CSMD1: variants seen among roughly 807,000 people sequenced by gnomAD.
CSMD1 encodes the protein CUB and Sushi multiple domains 1, also known as CUB and sushi domain-containing protein 1.
Under a neutral mutation model 417.5 loss-of-function variants are expected in CSMD1, and 213 were observed. That is an observed-to-expected ratio of 0.51 (90% CI 0.46 to 0.57). CSMD1 has a LOEUF of 0.57. CSMD1 is among the 20% of genes least tolerant of loss of function. The pLI is 0.00. For synonymous variants in CSMD1, 2,862 were observed against 1,736.8 expected, an observed-to-expected ratio of 1.65 and a Z score of -16.11; for missense variants, 6,923 against 4,529.7, an observed-to-expected ratio of 1.53 and a Z score of -15.17.
chr8:4,163,392 A>G (rs961655630), intron 3 of CSMD1, among the ~76,000 whole-genome samples: 2 of 152,140 alleles, frequency 1.3e-5, no homozygotes, highest in African/African-American at 4.8e-5. Flanking sequence ...CAAGACAGCA[A>G]TCTACATTGT....
At chr8:3,645,521 G>A (rs373445140) in intron 7 of CSMD1, among the ~76,000 whole-genome samples, 201 of 152,336 alleles carry the variant, frequency 1.3e-3, no homozygotes, top group Non-Finnish European at 2.3e-3. Context: ...AGGGGAGGAT[G>A]TGTGGTCAGA....
chr8:3,988,282 T>C (rs1814487018), intron 5 of CSMD1, among the ~76,000 whole-genome samples: 1 of 152,192 alleles, frequency 6.6e-6, no homozygotes, highest in Admixed American at 6.5e-5. Context: ...AAGGCCATTA[T>C]AAACATCACA....
intron 1 of CSMD1, among the ~76,000 whole-genome samples, chr8:4,760,158 G>C (rs936967952): frequency 1.1e-4 from 17 of 152,160 alleles, no homozygotes; most frequent in Non-Finnish European, 1.5e-5. Context: ...GTCTGCAATA[G>C]TCATAGGCTG....
intron 10 of CSMD1, among the ~76,000 whole-genome samples, chr8:3,571,106 G>A (rs1210959885): frequency 2.0e-5 from 3 of 152,318 alleles, no homozygotes; most frequent in South Asian, 2.1e-4. Context: ...GGCACTTACA[G>A]GTGGAAGATC....
chr8:3,801,861 A>C (rs1289322709), intron 5 of CSMD1, among the ~76,000 whole-genome samples: 2 of 152,132 alleles, frequency 1.3e-5, no homozygotes, highest in Non-Finnish European at 2.9e-5. Context: ...TAAGTCAATG[A>C]AAAATCACAA....
At chr8:4,308,016 G>T (rs562485310) in intron 3 of CSMD1, among the ~76,000 whole-genome samples, 1 of 152,194 alleles carries the variant, frequency 6.6e-6, no homozygotes, top group South Asian at 2.1e-4. Context: ...AGTGATGGTG[G>T]GCATACTACA....
chr8:3,637,399 A>G (rs1301632609), intron 7 of CSMD1, among the ~76,000 whole-genome samples: 1 of 152,182 alleles, frequency 6.6e-6, no homozygotes, highest in Admixed American at 6.5e-5. Context: ...TAACCACCTT[A>G]TTAACTTAAA....
intron 1 of CSMD1, among the ~76,000 whole-genome samples, chr8:4,680,760 A>T (rs754857786): frequency 1.3e-5 from 2 of 151,978 alleles, no homozygotes; most frequent in Non-Finnish European, 2.9e-5. Flanking sequence ...TTGTATTTTT[A>T]GTAGAGACGA....
chr8:4,087,007 C>G (rs17068867), intron 3 of CSMD1, among the ~76,000 whole-genome samples: 1 of 152,050 alleles, frequency 6.6e-6, no homozygotes, highest in East Asian at 1.9e-4. Flanking sequence ...ATGGGGATAA[C>G]GCTATGTACA....
intron 10 of CSMD1, among the ~76,000 whole-genome samples, chr8:3,508,158 G>A (rs1796911097): frequency 6.6e-6 from 1 of 152,142 alleles, no homozygotes; most frequent in Non-Finnish European, 1.5e-5. Context: ...CTCACTCATA[G>A]GTGGGAATTG....
At chr8:3,547,511 T>C (rs1208775938) in intron 10 of CSMD1, among the ~76,000 whole-genome samples, 1 of 152,190 alleles carries the variant, frequency 6.6e-6, no homozygotes, top group African/African-American at 2.4e-5. Flanking sequence ...TTATGCCTGA[T>C]CACGTCTCTC....
chr8:4,180,427 T>TC (rs1412441693), intron 3 of CSMD1, among the ~76,000 whole-genome samples: 1 of 91,388 alleles, frequency 1.1e-5, no homozygotes, highest in African/African-American at 4.4e-5. Flanking sequence ...GGGACTGCTG[T>TC]GGGGTGGGGG....
At chr8:3,061,171 C>G (rs981178138) in intron 49 of CSMD1, among the ~76,000 whole-genome samples, 6 of 152,096 alleles carry the variant, frequency 3.9e-5, no homozygotes, top group Non-Finnish European at 7.4e-5. Context: ...TATAAAGTAT[C>G]CAAACCTTTG....
At chr8:3,592,160 C>G (rs923343250) in intron 8 of CSMD1, among the ~76,000 whole-genome samples, 2 of 151,894 alleles carry the variant, frequency 1.3e-5, no homozygotes, top group East Asian at 1.9e-4. Flanking sequence ...AGATATCCAT[C>G]TGGTTAGGTA....
At chr8:4,322,629 T>G (rs563422438) in intron 3 of CSMD1, among the ~76,000 whole-genome samples, 3 of 152,234 alleles carry the variant, frequency 2.0e-5, no homozygotes, top group African/African-American at 7.2e-5. Context: ...GCTGGACATA[T>G]TTGAGAAAAA....
In CSMD1 at chr8:3,919,226, C is replaced by G. The variant is rs957651376; in HGVS notation, c.818+78677G>C. ...AAAAAAAAAAGAAAGAAATCATTGT[C>G]AAGATCTATGCCAAGGATTTTTAAA... is the stretch of plus-strand genomic sequence containing the variant. On this transcript the variant is annotated intron_variant, in intron 5 of 69. Coordinates refer to ENST00000635120, the MANE Select transcript of CSMD1 (RefSeq NM_033225.6). Among the ~76,000 whole-genome samples the G allele has an allele frequency of 2.1e-5, 3 of 140,650 alleles. No homozygotes were observed. In the Admixed American group the frequency reaches 2.2e-4, roughly 10 times the overall value. 92.3% of individuals were successfully genotyped at this position (140,650 alleles called of 152,430 possible).
chr8:3,467,497 C>G (rs1308544540), intron 12 of CSMD1, among the ~76,000 whole-genome samples: 2 of 152,270 alleles, frequency 1.3e-5, no homozygotes, highest in South Asian at 2.1e-4. Context: ...GCAGTTGCCT[C>G]TGCATTCTAG....
At chr8:3,714,247 T>C (rs911231537) in intron 6 of CSMD1, among the ~76,000 whole-genome samples, 1 of 150,490 alleles carries the variant, frequency 6.6e-6, no homozygotes, top group Admixed American at 6.6e-5. Context: ...GACATACTAT[T>C]GTTCTCTAAT....
intron 3 of CSMD1, among the ~76,000 whole-genome samples, chr8:4,300,274 T>C (rs1038442344): frequency 1.1e-4 from 16 of 152,332 alleles, no homozygotes; most frequent in African/African-American, 2.9e-4. Context: ...CTAACATATT[T>C]TCCTACACTT....
Sources: allele counts gnomAD v4.1 joint callset (sites outside exome capture counted in the v4.1 genomes callset), GRCh38; gene constraint gnomAD v4.1.1; transcripts MANE v1.5; gene names NCBI Gene and HGNC (gene_info 2026-07-23, HGNC 2026-07-21).